The following ATP13A3 variants were observed in gnomAD, a reference collection of about 807,000 sequenced individuals.
The protein encoded by ATP13A3 is ATPase 13A3, also known as polyamine-transporting ATPase 13A3.
In ATP13A3, 59 loss-of-function variants were observed where a neutral mutation model predicts 158.1. The observed-to-expected ratio is 0.37, with a 90% confidence interval of 0.30 to 0.46. The LOEUF is 0.46. Ranked by LOEUF, ATP13A3 falls within the 20% of genes least tolerant of loss-of-function variation. The pLI is 1.00. For synonymous variants in ATP13A3, 491 were observed against 504.3 expected (o/e 0.97, Z 0.35); for missense variants, 1,166 against 1,525.2 (o/e 0.76, Z 3.92).
intron 2 of ATP13A3, among the ~76,000 whole-genome samples, chr3:194,478,616 G>A (rs1212342174): frequency 6.6e-6 from 1 of 152,122 alleles, no homozygotes; most frequent in Non-Finnish European, 1.5e-5. Flanking sequence ...AGGTTTAGAA[G>A]GATAGGACAG....
In ATP13A3 at chr3:194,405,928, G is replaced by A; in HGVS notation, c.3762C>T (p.Thr1254=). ...VKENGSCQII[T]IT Reference sequence around the variant, plus strand: ...TGAGACTGATTCACTGCTATGTTATGGTGATGATTTGACATGATCCATTCT... The same window carrying A: ...TGAGACTGATTCACTGCTATGTTATAGTGATGATTTGACATGATCCATTCT... The change falls in exon 34 of 34, where the codon ACC becomes ACT. Residue 1254 remains threonine, a synonymous_variant. Transcript: ENST00000645319. 1 of 1,613,874 alleles carries A rather than the reference G, an allele frequency of 6.2e-7. No individual in the cohort carries two copies. Among genetic ancestry groups the A allele is most frequent in the Non-Finnish European group, 8.5e-7 (1 of 1,179,870 alleles).
chr3:194,435,763 C>T (rs1717587356), intron 20 of ATP13A3, among the ~76,000 whole-genome samples: 1 of 152,118 alleles, frequency 6.6e-6, no homozygotes, highest in Non-Finnish European at 1.5e-5. Context: ...AAAAATTAGC[C>T]AGGCATGGTG....
At chr3:194,440,706 AG>A (rs1488576825) in intron 16 of ATP13A3, among the ~76,000 whole-genome samples, 1 of 152,230 alleles carries the variant, frequency 6.6e-6, no homozygotes, top group African/African-American at 2.4e-5. Context: ...TGGGGGCCAG[AG>A]GAGACCATAA....
chr3:194,456,386 T>TA (rs1398782627), intron 7 of ATP13A3, among the ~76,000 whole-genome samples: 1 of 152,092 alleles, frequency 6.6e-6, no homozygotes, highest in African/African-American at 2.4e-5. Context: ...CATTCGACTT[T>TA]AAAAGAAAAT....
In ATP13A3 at chr3:194,485,794, C is replaced by G. The variant is rs1175588072; in HGVS notation, c.-47G>C. 1.3e-5 allele frequency: 2 copies of G among 152,214 alleles called. No individual in the cohort carries two copies. The highest frequency in any genetic ancestry group is 4.8e-5 in the African/African-American group (2 of 41,436). The allele number at this position is 152,214 out of a possible 1,614,324, so 9.4% of individuals were successfully genotyped here. A position where few individuals can be genotyped will look rare whatever the true frequency, so the allele number is the denominator to read the frequency against. On this transcript the variant is annotated splice_region_variant and 5_prime_UTR_variant, in exon 2 of 34. Transcript: ENST00000645319. ...GGCTAATTATGTGAGTGATTCATACCTCCTATGTCCAAACACCAAGATTCA... is the reference window on the plus strand; with the variant it reads ...GGCTAATTATGTGAGTGATTCATACGTCCTATGTCCAAACACCAAGATTCA...
intron 30 of ATP13A3, among the ~76,000 whole-genome samples, chr3:194,423,279 C>G (rs1414726694): frequency 1.3e-5 from 2 of 152,186 alleles, no homozygotes; most frequent in South Asian, 4.1e-4. Context: ...AAGCAAAAAA[C>G]TCTAAAGAGA....
intron 24 of ATP13A3, 83 bp downstream of exon 24, chr3:194,430,860 A>C: frequency 9.4e-7 from 1 of 1,063,976 alleles, no homozygotes; most frequent in Non-Finnish European, 1.3e-6. Context: ...TAGTATAAGA[A>C]ACATATAAAA....
chr3:194,414,730 A>G (rs1336834709), intron 31 of ATP13A3, among the ~76,000 whole-genome samples: 1 of 152,264 alleles, frequency 6.6e-6, no homozygotes, highest in African/African-American at 2.4e-5. Flanking sequence ...GTACACAAGC[A>G]TGCACACTTC....
At chr3:194,439,087 T>TA (rs1416924317) in intron 16 of ATP13A3, 115 bp from the exon 17 acceptor site, 15 of 603,638 alleles carry the variant, frequency 2.5e-5, no homozygotes, top group South Asian at 7.6e-5. Flanking sequence ...TTTCAATAAT[T>TA]AAAAAAAATG....
chr3:194,479,738 A>C (rs1560116683), intron 2 of ATP13A3, among the ~76,000 whole-genome samples: 1 of 152,154 alleles, frequency 6.6e-6, no homozygotes, highest in Non-Finnish European at 1.5e-5. Context: ...AGAATTTTTA[A>C]ATGAAAATAA....
rs1177554746 is a variant in ATP13A3 at position 194,438,711 on chromosome 3, G to T, written c.1827+145C>A. 2.2e-5 allele frequency: 10 copies of T among 453,824 alleles called. No individual in the cohort carries two copies. The South Asian group carries it at 2.7e-4, about 12-fold the overall frequency. 28.1% of individuals were successfully genotyped at this position (453,824 alleles called of 1,614,324 possible). On this transcript the variant is annotated intron_variant, in intron 17 of 33. Coordinates refer to ENST00000645319, the MANE Select transcript of ATP13A3 (RefSeq NM_001367549.1). The stretch of plus-strand genomic sequence containing the variant: ...CAGCACTTGGGGAGGCCAAGGTTGA[G>T]GGGGATCATTTGAGCCCAGGAGTTT...
intron 13 of ATP13A3, 106 bp from the exon 14 acceptor site, chr3:194,447,221 C>A: frequency 1.1e-6 from 1 of 935,284 alleles, no homozygotes; most frequent in South Asian, 1.7e-5. Context: ...TTGTATATTT[C>A]AATTTTATGT....
chr3:194,449,275 T>C (rs947774465), intron 11 of ATP13A3, among the ~76,000 whole-genome samples: 2 of 152,098 alleles, frequency 1.3e-5, no homozygotes, highest in African/African-American at 4.8e-5. Flanking sequence ...ATACGAGATA[T>C]GTGTTTGTGT....
At chr3:194,435,995 C>A (rs548776976) in intron 20 of ATP13A3, among the ~76,000 whole-genome samples, 69 of 152,298 alleles carry the variant, frequency 4.5e-4, no homozygotes, top group African/African-American at 1.6e-3. Flanking sequence ...TCCCCTAGCA[C>A]CCTTGCTAGT....
At chr3:194,442,644 A>G (rs1271580682) in intron 15 of ATP13A3, among the ~76,000 whole-genome samples, 1 of 152,120 alleles carries the variant, frequency 6.6e-6, no homozygotes, top group Non-Finnish European at 1.5e-5. Context: ...AGAAGGAGAG[A>G]AAACAAAACA....
chr3:194,443,452 T>C (rs1024074488), intron 15 of ATP13A3, among the ~76,000 whole-genome samples: 1 of 152,142 alleles, frequency 6.6e-6, no homozygotes, highest in African/African-American at 2.4e-5. Context: ...TATATCTGAA[T>C]AAATGTGCAC....
chr3:194,477,406 G>A lies in ATP13A3; in HGVS notation c.-47+8388C>T, dbSNP rs568146125. On this transcript the variant is annotated intron_variant, in intron 2 of 33. Coordinates refer to ENST00000645319, the MANE Select transcript of ATP13A3 (RefSeq NM_001367549.1). ...GAGGGGTGGAATCCCTCTTCTTTTTGTGGGCAAAATTTGACAACAAAGTAA... is the reference window on the plus strand; with the variant it reads ...GAGGGGTGGAATCCCTCTTCTTTTTATGGGCAAAATTTGACAACAAAGTAA... 2.9e-3 allele frequency among the ~76,000 whole-genome samples: 440 copies of A among 152,268 alleles called. 1 individual carries two copies. The highest frequency in any genetic ancestry group is 5.1e-3 in the Non-Finnish European group (347 of 68,024).
intron 16 of ATP13A3, among the ~76,000 whole-genome samples, chr3:194,440,482 C>A (rs1298839448): frequency 6.6e-6 from 1 of 152,176 alleles, no homozygotes; most frequent in Non-Finnish European, 1.5e-5. Context: ...GTCGATAAGA[C>A]CCCACCAGAC....
intron 31 of ATP13A3, among the ~76,000 whole-genome samples, chr3:194,416,457 C>CA (rs571254079): frequency 0.012 from 1,746 of 144,312 alleles, 44 homozygotes; most frequent in Admixed American, 0.063. Flanking sequence ...GACTCCATCT[C>CA]AAAAAAAAAA....
Sources: allele counts gnomAD v4.1 joint callset (sites outside exome capture counted in the v4.1 genomes callset), GRCh38; gene constraint gnomAD v4.1.1; transcripts MANE v1.5; gene names NCBI Gene and HGNC (gene_info 2026-07-23, HGNC 2026-07-21).